The following PLXDC1 variants were observed in gnomAD, a reference collection of about 807,000 sequenced individuals.
PLXDC1 encodes the protein plexin domain-containing protein 1.
In PLXDC1, 39 loss-of-function variants were observed where a neutral mutation model predicts 61.3. The observed-to-expected ratio is 0.64, with a 90% CI of 0.49 to 0.83. The LOEUF (loss-of-function observed/expected upper bound fraction) is 0.83. Among genes scored for constraint, PLXDC1 ranks in the 40% least tolerant of loss-of-function variants. The pLI is 0.00. For missense variants in PLXDC1, 596 were observed against 666.5 expected, an observed-to-expected ratio of 0.89 and a Z score of 1.17; for synonymous variants, 212 against 254.5, an observed-to-expected ratio of 0.83 and a Z score of 1.59.
rs1482996207 is a variant in PLXDC1 at position 39,064,287 on chromosome 17, C to T, written c.*3553G>A. ...TCCTCCTGCCTCAGGCTCCCAAGTA[C>T]CTGGGACTACAGGCGTGAGCCACTG... is the stretch of plus-strand genomic sequence containing the variant. On this transcript the variant is annotated 3_prime_UTR_variant, in exon 14 of 14. Transcript: ENST00000315392. The T allele has an allele frequency of 6.6e-6, 1 of 152,212 alleles. No individual in the cohort carries two copies. Among genetic ancestry groups the T allele is most frequent in the Non-Finnish European group, 1.5e-5 (1 of 68,082 alleles). 9.4% of individuals were successfully genotyped at this position (152,212 alleles called of 1,614,324 possible).
chr17:39,104,200 G>A (rs1017229891), intron 7 of PLXDC1, among the ~76,000 whole-genome samples: 70 of 152,188 alleles, frequency 4.6e-4, no homozygotes, highest in African/African-American at 1.6e-3. Context: ...TATCGCCTGC[G>A]TGTTTGCAGC....
intron 2 of PLXDC1, among the ~76,000 whole-genome samples, chr17:39,128,165 A>ATATG (rs1911405831): frequency 5.0e-5 from 5 of 99,142 alleles, no homozygotes; most frequent in South Asian, 3.3e-4. Context: ...ATATATATGT[A>ATATG]TATATATGTA....
Position 39,128,087 on chromosome 17 carries a change from C to CA in PLXDC1, c.255+11566_255+11567insT, listed in dbSNP as rs1911372368. Among the ~76,000 whole-genome samples the CA allele has an allele frequency of 7.4e-5, 5 of 67,244 alleles. No homozygotes were observed. The South Asian group carries it at 1.7e-3, about 23-fold the overall frequency. 44.1% of individuals were successfully genotyped at this position (67,244 alleles called of 152,430 possible). Reference sequence around the variant, plus strand: ...TCTCTGTCTCTCTCTCTCTCTCTCTCTCTCTATGTGTATATATATATATAT... The same window carrying CA: ...TCTCTGTCTCTCTCTCTCTCTCTCTCATCTCTATGTGTATATATATATATAT... On this transcript the variant is annotated intron_variant, in intron 2 of 13. Transcript: ENST00000315392.
intron 7 of PLXDC1, among the ~76,000 whole-genome samples, chr17:39,105,028 C>T (rs1264660810): frequency 2.0e-5 from 3 of 152,288 alleles, no homozygotes; most frequent in South Asian, 2.1e-4. Context: ...CGTGTCCTTC[C>T]GTCCAGCCTG....
intron 2 of PLXDC1, among the ~76,000 whole-genome samples, chr17:39,112,756 G>C (rs1429860593): frequency 2.6e-5 from 4 of 152,200 alleles, no homozygotes; most frequent in Middle Eastern, 3.4e-3. Context: ...TGCTGGAGGT[G>C]GGGGTAGGGG....
At chr17:39,134,947 C>T (rs1340726067) in intron 2 of PLXDC1, among the ~76,000 whole-genome samples, 1 of 152,222 alleles carries the variant, frequency 6.6e-6, no homozygotes, top group Non-Finnish European at 1.5e-5. Flanking sequence ...CCTTGGCAGC[C>T]ACTTTATGCG....
chr17:39,129,775 GAA>G (rs202045887), intron 2 of PLXDC1, among the ~76,000 whole-genome samples: 93 of 112,192 alleles, frequency 8.3e-4, no homozygotes, highest in African/African-American at 2.9e-3. Context: ...AAGAGAGAAA[GAA>G]AAAGAAAGAA....
chr17:39,143,973 GCA>G (rs1912014378), intron 1 of PLXDC1, among the ~76,000 whole-genome samples: 3 of 152,208 alleles, frequency 2.0e-5, no homozygotes, highest in Non-Finnish European at 4.4e-5. Flanking sequence ...CTTCCTGCAA[GCA>G]GCCCTGGGGC....
At chr17:39,096,740 G>A (rs1910218530) in intron 7 of PLXDC1, 2 of 360,158 alleles carry the variant, frequency 5.6e-6, no homozygotes, top group Admixed American at 7.1e-5. Context: ...CACTAATTCA[G>A]AATCCCTGTC....
In PLXDC1 at chr17:39,151,234, C is replaced by T. The variant is rs2045370354; in HGVS notation, c.76+128G>A. The T allele has an allele frequency of 3.0e-6, 2 of 655,976 alleles. No homozygotes were observed. The highest frequency in any genetic ancestry group is 1.3e-4 in the South Asian group (2 of 15,018). The allele number at this position is 655,976 out of a possible 1,614,324, so 40.6% of individuals were successfully genotyped here. ...CCACCTGCCCACAGCCCACAGCTCT[C>T]CTGGCCTCCTGCGGACAATGCCCCC... On this transcript the variant is annotated intron_variant, in intron 1 of 13. Transcript: ENST00000315392. This position sits in a 1 kb window ranked among gnomAD's most constrained non-coding sequence, Gnocchi z 5.2.
chr17:39,086,707 C>CA (rs1182970855), intron 8 of PLXDC1, among the ~76,000 whole-genome samples: 1 of 151,626 alleles, frequency 6.6e-6, no homozygotes, highest in East Asian at 1.9e-4. Flanking sequence ...ATTAAAAATA[C>CA]AAAAATTAGC....
intron 2 of PLXDC1, among the ~76,000 whole-genome samples, chr17:39,137,081 GAGA>G (rs1911777703): frequency 6.6e-6 from 1 of 152,184 alleles, no homozygotes; most frequent in Non-Finnish European, 1.5e-5. Flanking sequence ...AAAACAGCCA[GAGA>G]AGGTCATGTC....
At chr17:39,128,163 G>GTC (rs1361932907) in intron 2 of PLXDC1, among the ~76,000 whole-genome samples, 1 of 24,344 alleles carries the variant, frequency 4.1e-5, no homozygotes, top group Non-Finnish European at 8.1e-5. Flanking sequence ...GTATATATAT[G>GTC]TATATATATG....
At chr17:39,100,772 C>T (rs1287735371) in intron 7 of PLXDC1, among the ~76,000 whole-genome samples, 2 of 152,230 alleles carry the variant, frequency 1.3e-5, no homozygotes, top group Non-Finnish European at 2.9e-5. Context: ...CGTTTACCAA[C>T]CAGTCAGAGC....
At chr17:39,121,167 A>G (rs1292648049) in intron 2 of PLXDC1, among the ~76,000 whole-genome samples, 2 of 152,196 alleles carry the variant, frequency 1.3e-5, no homozygotes, top group Non-Finnish European at 2.9e-5. Flanking sequence ...TTTTGAACAA[A>G]GCCTTACTCC....
chr17:39,135,245 T>C (rs1202394965), intron 2 of PLXDC1, among the ~76,000 whole-genome samples: 1 of 152,220 alleles, frequency 6.6e-6, no homozygotes, highest in African/African-American at 2.4e-5. Flanking sequence ...GGGACCTCCT[T>C]CCAGGTGGCC....
chr17:39,096,568 C>A (rs1910210021), intron 7 of PLXDC1, among the ~76,000 whole-genome samples: 1 of 152,150 alleles, frequency 6.6e-6, no homozygotes, highest in Admixed American at 6.5e-5. Context: ...ACAGCTCAGG[C>A]CCTGACATAT....
chr17:39,152,468 C>T, upstream of PLXDC1: 1 of 1,120,984 alleles, frequency 8.9e-7, no homozygotes, highest in Non-Finnish European at 1.1e-6. Context: ...AATAAAAATA[C>T]CCGCAATGTA....
chr17:39,079,044 C>G (rs1483520421), intron 10 of PLXDC1, 60 bp downstream of exon 10: 3 of 1,388,868 alleles, frequency 2.2e-6, no homozygotes, highest in Non-Finnish European at 3.1e-6. Flanking sequence ...GCCCTACTGG[C>G]TGCCCTCCTG....
Sources: gnomAD v4.1 joint callset for allele counts (sites outside exome capture counted in the v4.1 genomes callset) on GRCh38, gnomAD v4.1.1 for gene constraint, Gnocchi (gnomAD v3.1) non-coding constraint, MANE v1.5 for transcripts, NCBI Gene and HGNC (gene_info 2026-07-23, HGNC 2026-07-21) for gene names.